Variants in ULK4 observed in about 807,000 individuals in gnomAD.
The protein encoded by ULK4 is unc-51 like kinase 4.
Under a neutral mutation model 160.6 loss-of-function variants are expected in ULK4, and 133 were observed. The observed-to-expected ratio is 0.83, with a 90% confidence interval of 0.72 to 0.96. The LOEUF is 0.96. Ranked by LOEUF, ULK4 falls within the 40% of genes least tolerant of loss-of-function variation. ULK4 has a pLI of 0.00. For synonymous variants in ULK4, 534 were observed against 539.8 expected (o/e 0.99, Z 0.15); for missense variants, 1,580 against 1,499.5 (o/e 1.05, Z -0.89).
chr3:41,353,212 G>A (rs1008473976), intron 35 of ULK4, among the ~76,000 whole-genome samples: 1 of 152,162 alleles, frequency 6.6e-6, no homozygotes, highest in African/African-American at 2.4e-5. Flanking sequence ...TCAGATTTCT[G>A]TTGACTCTTA....
chr3:41,939,415 C>A (rs1699882606), intron 2 of ULK4, among the ~76,000 whole-genome samples: 1 of 151,682 alleles, frequency 6.6e-6, no homozygotes, highest in African/African-American at 2.4e-5. Flanking sequence ...CCGCCTTGGC[C>A]TCCCAAAGTG....
intron 32 of ULK4, among the ~76,000 whole-genome samples, chr3:41,516,331 T>C (rs1361699102): frequency 2.6e-5 from 4 of 152,200 alleles, no homozygotes; most frequent in Non-Finnish European, 5.9e-5. Context: ...CTCACTTCTA[T>C]ATATGTTTAT....
intron 21 of ULK4, among the ~76,000 whole-genome samples, chr3:41,763,044 A>G (rs1224942132): frequency 5.1e-4 from 77 of 152,070 alleles, no homozygotes; most frequent in Non-Finnish European, 2.8e-4. Flanking sequence ...AGCCGCCCCC[A>G]TGATCCAATC....
At position 41,586,201 on chromosome 3, in the gene ULK4, T is replaced by C. The variant is rs559414117; in HGVS notation, c.3121-20071A>G. ...TCTCAAAGAGAGAATTGCCCATTCA[T>C]GTTCACTGCTGCATTACTCACAGTA... On this transcript the variant is annotated intron_variant, in intron 31 of 36. Coordinates refer to ENST00000301831, the MANE Select transcript of ULK4 (RefSeq NM_017886.4). Among the ~76,000 whole-genome samples, 9 of 152,340 alleles carry C rather than the reference T, an allele frequency of 5.9e-5. No individual in the cohort carries two copies. In the South Asian group the frequency reaches 1.7e-3, roughly 28 times the overall value.
rs895026254 is a variant in ULK4 at position 41,338,769 on chromosome 3, C to CAT, written c.3678+59308_3678+59309dup. On this transcript the variant is annotated intron_variant, in intron 35 of 36. Coordinates refer to ENST00000301831, the MANE Select transcript of ULK4 (RefSeq NM_017886.4). Reference sequence around the variant, plus strand: ...ACATCTATATCACATATATATATGACATATATATATATATGATATACATAT... The same window carrying CAT: ...ACATCTATATCACATATATATATGACATATATATATATATATGATATACATAT... Among the ~76,000 whole-genome samples, 251 of 147,864 alleles carry CAT rather than the reference C, an allele frequency of 1.7e-3. 2 individuals are homozygous for CAT. The highest frequency in any genetic ancestry group is 6.9e-3 in the Middle Eastern group (2 of 288).
intron 30 of ULK4, among the ~76,000 whole-genome samples, chr3:41,659,133 C>T (rs1005531759): frequency 6.6e-6 from 1 of 152,088 alleles, no homozygotes; most frequent in South Asian, 2.1e-4. Flanking sequence ...ACATGACACC[C>T]GAGGCCTCTT....
At chr3:41,762,655 C>CA (rs538388454) in intron 21 of ULK4, among the ~76,000 whole-genome samples, 1 of 88,976 alleles carries the variant, frequency 1.1e-5, no homozygotes, top group African/African-American at 4.5e-5. Flanking sequence ...AAGTGTTACA[C>CA]TTTTTTTTTT....
At chr3:41,643,787 T>C (rs940112761) in intron 30 of ULK4, among the ~76,000 whole-genome samples, 15 of 152,200 alleles carry the variant, frequency 9.9e-5, no homozygotes, top group Non-Finnish European at 1.8e-4. Context: ...TTGGGCAGTA[T>C]GGCCATTTTC....
intron 31 of ULK4, among the ~76,000 whole-genome samples, chr3:41,607,981 G>A (rs1365908437): frequency 6.6e-6 from 1 of 152,166 alleles, no homozygotes; most frequent in Non-Finnish European, 1.5e-5. Flanking sequence ...GAAATTATGA[G>A]AGACCACCAC....
intron 17 of ULK4, among the ~76,000 whole-genome samples, chr3:41,862,747 T>G (rs367876011): frequency 1.7e-4 from 26 of 151,822 alleles, no homozygotes; most frequent in African/African-American, 6.3e-4. Context: ...CTCCCGAACA[T>G]ACAGAGTCAG....
At chr3:41,583,535 A>C (rs1252457340) in intron 31 of ULK4, among the ~76,000 whole-genome samples, 2 of 152,182 alleles carry the variant, frequency 1.3e-5, no homozygotes, top group Non-Finnish European at 2.9e-5. Flanking sequence ...CTCAACAGTA[A>C]CATATTACCT....
chr3:41,307,055 T>C (rs1245314957), intron 35 of ULK4, among the ~76,000 whole-genome samples: 1 of 150,902 alleles, frequency 6.6e-6, no homozygotes, highest in Non-Finnish European at 1.5e-5. Flanking sequence ...AGACCTTTGT[T>C]CACTTGTTTA....
At chr3:41,638,181 A>T (rs1209875169) in intron 30 of ULK4, among the ~76,000 whole-genome samples, 1 of 152,138 alleles carries the variant, frequency 6.6e-6, no homozygotes, top group African/African-American at 2.4e-5. Flanking sequence ...AAACTCTACC[A>T]ATTTGTTTTT....
intron 18 of ULK4, among the ~76,000 whole-genome samples, chr3:41,828,828 A>G (rs1253943762): frequency 5.4e-4 from 82 of 152,226 alleles, no homozygotes; most frequent in African/African-American, 1.8e-3. Flanking sequence ...AAAAGAGCCC[A>G]CATTGCCAAG....
At chr3:41,945,361 G>C (rs1700082419) in intron 2 of ULK4, among the ~76,000 whole-genome samples, 1 of 152,110 alleles carries the variant, frequency 6.6e-6, no homozygotes, top group Non-Finnish European at 1.5e-5. Flanking sequence ...CTAGAACTCT[G>C]GCTGCAAAGA....
chr3:41,816,384 A>C (rs754237611), intron 19 of ULK4, among the ~76,000 whole-genome samples: 7 of 152,196 alleles, frequency 4.6e-5, no homozygotes, highest in Non-Finnish European at 1.0e-4. Flanking sequence ...GAGGATTCAG[A>C]GTTCCTACGA....
chr3:41,576,131 C>T (rs1465469408), intron 31 of ULK4, among the ~76,000 whole-genome samples: 3 of 152,244 alleles, frequency 2.0e-5, no homozygotes, highest in African/African-American at 7.2e-5. Flanking sequence ...CACATCCAGA[C>T]ACACAACTCC....
chr3:41,847,166 G>C (rs1261683098), intron 17 of ULK4, among the ~76,000 whole-genome samples: 3 of 152,112 alleles, frequency 2.0e-5, no homozygotes, highest in Non-Finnish European at 2.9e-5. Flanking sequence ...TCATCTGATA[G>C]ATATGAAAAG....
At chr3:41,440,843 T>C (rs1004547477) in intron 34 of ULK4, among the ~76,000 whole-genome samples, 3 of 152,076 alleles carry the variant, frequency 2.0e-5, no homozygotes, top group Admixed American at 1.3e-4. Context: ...GTTATTCAGG[T>C]TGTTTTTTTC....
Sources: gnomAD v4.1 joint callset for allele counts (sites outside exome capture counted in the v4.1 genomes callset) on GRCh38, gnomAD v4.1.1 for gene constraint, MANE v1.5 for transcripts, NCBI Gene and HGNC (gene_info 2026-07-23, HGNC 2026-07-21) for gene names.